PLOD2: variants seen among roughly 807,000 people sequenced by gnomAD.
PLOD2 encodes procollagen-lysine,2-oxoglutarate 5-dioxygenase 2, also known as lysine hydroxylase 2.
Under a neutral mutation model 101.0 loss-of-function variants are expected in PLOD2, and 65 were observed. That is an observed-to-expected ratio of 0.64 (90% CI 0.53 to 0.79). The LOEUF is 0.79. Among genes scored for constraint, PLOD2 ranks in the 30% least tolerant of loss-of-function variants. PLOD2 has a pLI of 0.00. For synonymous variants in PLOD2, 314 were observed against 302.9 expected (o/e 1.04, Z -0.38); for missense variants, 909 against 914.6 (o/e 0.99, Z 0.08).
At position 146,080,256 on chromosome 3, in the gene PLOD2, TTATAA is replaced by T. The variant is rs202056026; in HGVS notation, c.1359-1004_1359-1000del. Among the ~76,000 whole-genome samples the T allele has an allele frequency of 3.7e-3, 569 of 152,114 alleles. 5 individuals are homozygous for T. The highest frequency in any genetic ancestry group is 0.013 in the African/African-American group (547 of 41,530). ...TACGTTTTTTCCTACACATATATAC[TTATAA>T]TAAAGTTTAATTTATACATAAAGTA... On this transcript the variant is annotated intron_variant, in intron 12 of 19. Coordinates refer to ENST00000282903, the MANE Select transcript of PLOD2 (RefSeq NM_182943.3).
At chr3:146,138,668 C>T (rs2031367296) in intron 1 of PLOD2, among the ~76,000 whole-genome samples, 5 of 152,068 alleles carry the variant, frequency 3.3e-5, no homozygotes, top group Admixed American at 3.3e-4. Flanking sequence ...GTTCAGAAGT[C>T]AGAATGAATA....
At chr3:146,124,732 AAT>A (rs2030446280) in intron 1 of PLOD2, among the ~76,000 whole-genome samples, 1 of 152,138 alleles carries the variant, frequency 6.6e-6, no homozygotes, top group Non-Finnish European at 1.5e-5. Flanking sequence ...ACTGGGAGCA[AAT>A]ATTTAAAACA....
intron 14 of PLOD2, chr3:146,077,470 C>T (rs1049291879): frequency 1.8e-5 from 3 of 168,850 alleles, no homozygotes; most frequent in Admixed American, 6.1e-5. Flanking sequence ...TCTTTTTGGA[C>T]CTGTTTTAAT....
intron 1 of PLOD2, among the ~76,000 whole-genome samples, chr3:146,143,135 A>G (rs2031607733): frequency 5.3e-5 from 8 of 152,110 alleles, no homozygotes; most frequent in Non-Finnish European, 1.5e-5. Flanking sequence ...CCTTGTAAAA[A>G]TATTTTTAGG....
chr3:146,149,462 T>C (rs1477377560), intron 1 of PLOD2, among the ~76,000 whole-genome samples: 1 of 152,170 alleles, frequency 6.6e-6, no homozygotes, highest in Non-Finnish European at 1.5e-5. Flanking sequence ...AAAATCTCAC[T>C]TATCCACTCT....
chr3:146,102,756 T>C lies in PLOD2; in HGVS notation c.776A>G (p.Lys259Arg). 6.7e-7 allele frequency: 1 copy of C among 1,489,046 alleles called. No individual in the cohort carries two copies. Among genetic ancestry groups the C allele is most frequent in the South Asian group, 1.1e-5 (1 of 88,612 alleles). 92.2% of individuals were successfully genotyped at this position (1,489,046 alleles called of 1,614,324 possible). Residue 259 changes from lysine to arginine, a missense_variant and splice_region_variant, in exon 7 of 20, where the codon AAG becomes AGG. Coordinates refer to ENST00000282903, the MANE Select transcript of PLOD2 (RefSeq NM_182943.3). ...CAAATAAAAGTAACTGTTACTTACC[T>C]TGGTGGGTCCATTTCCATTAATTGC... ...PVAINGNGPTKILLNYFGNYV... is the reference protein window; with the variant it reads ...PVAINGNGPTRILLNYFGNYV...
chr3:146,092,026 AT>A, intron 7 of PLOD2, 125 bp from the exon 8 acceptor site: 1 of 673,250 alleles, frequency 1.5e-6, no homozygotes, highest in Non-Finnish European at 2.7e-6. Flanking sequence ...AATTCTACTA[AT>A]ATATCATCTG....
intron 9 of PLOD2, 39 bp from the exon 10 acceptor site, chr3:146,086,947 A>ACAAT (rs1293873411): frequency 7.9e-7 from 1 of 1,269,456 alleles, no homozygotes; most frequent in South Asian, 1.4e-5. Flanking sequence ...AGAGAATAAG[A>ACAAT]CAATCAGATG....
intron 2 of PLOD2, among the ~76,000 whole-genome samples, chr3:146,123,772 G>A (rs2030361423): frequency 6.6e-6 from 1 of 151,678 alleles, no homozygotes; most frequent in Non-Finnish European, 1.5e-5. Flanking sequence ...GTTTTATAGA[G>A]TATATTTATA....
intron 17 of PLOD2, 67 bp downstream of exon 17, chr3:146,072,494 C>G (rs573947263): frequency 2.0e-6 from 2 of 991,914 alleles, no homozygotes; most frequent in Admixed American, 3.4e-5. Flanking sequence ...ATAACCCCTC[C>G]GAATTCTCTG....
At chr3:146,098,744 C>T (rs1208716334) in intron 7 of PLOD2, among the ~76,000 whole-genome samples, 37 of 152,004 alleles carry the variant, frequency 2.4e-4, no homozygotes, top group Admixed American at 2.4e-3. Context: ...AATGAAAAAA[C>T]TGCTTAAATG....
At chr3:146,114,692 G>A (rs1450666339) in intron 3 of PLOD2, among the ~76,000 whole-genome samples, 3 of 152,114 alleles carry the variant, frequency 2.0e-5, no homozygotes, top group Non-Finnish European at 4.4e-5. Flanking sequence ...CGAAGAGTGG[G>A]GAAAAGGAAA....
chr3:146,143,119 G>A (rs943031371), intron 1 of PLOD2, among the ~76,000 whole-genome samples: 10 of 151,912 alleles, frequency 6.6e-5, no homozygotes, highest in African/African-American at 1.9e-4. Context: ...TAAACACTCC[G>A]ACCGCCCTTG....
At chr3:146,095,848 A>C (rs2108038009) in intron 7 of PLOD2, among the ~76,000 whole-genome samples, 1 of 147,250 alleles carries the variant, frequency 6.8e-6, no homozygotes, top group Admixed American at 6.8e-5. Context: ...AAAATGTGGC[A>C]TATACCCTCT....
intron 7 of PLOD2, 119 bp downstream of exon 7, chr3:146,102,631 CTTTAT>C: frequency 6.2e-6 from 4 of 647,768 alleles, no homozygotes; most frequent in East Asian, 2.8e-5. Context: ...AAGATGAAGT[CTTTAT>C]TTTAGCACCA....
intron 12 of PLOD2, among the ~76,000 whole-genome samples, chr3:146,080,523 T>C (rs1868539): frequency 0.49 from 71,068 of 143,916 alleles, 16,823 homozygotes; most frequent in East Asian, 0.56. Context: ...CACACACACA[T>C]ACACACACAC....
chr3:146,127,403 C>A (rs1169335738), intron 1 of PLOD2, among the ~76,000 whole-genome samples: 1 of 152,052 alleles, frequency 6.6e-6, no homozygotes, highest in East Asian at 1.9e-4. Context: ...TTGTTTAGCT[C>A]CCACTTATAA....
At chr3:146,124,749 CT>C (rs1370509228) in intron 1 of PLOD2, among the ~76,000 whole-genome samples, 1 of 152,022 alleles carries the variant, frequency 6.6e-6, no homozygotes, top group East Asian at 1.9e-4. Flanking sequence ...AAAACAAAAT[CT>C]TAATTTTTTT....
chr3:146,082,937 A>G (rs1202909614), intron 11 of PLOD2, among the ~76,000 whole-genome samples: 1 of 152,086 alleles, frequency 6.6e-6, no homozygotes, highest in Non-Finnish European at 1.5e-5. Context: ...CATGCAAAAT[A>G]ATAAATTTTG....
Sources: gnomAD v4.1 joint callset for allele counts (sites outside exome capture counted in the v4.1 genomes callset) on GRCh38, gnomAD v4.1.1 for gene constraint, MANE v1.5 for transcripts, NCBI Gene and HGNC (gene_info 2026-07-23, HGNC 2026-07-21) for gene names.